TSHZ2: variants seen among roughly 807,000 people sequenced by gnomAD.
TSHZ2 encodes teashirt zinc finger homeobox 2.
Under a neutral mutation model 74.4 loss-of-function variants are expected in TSHZ2, and 21 were observed. That is an observed-to-expected ratio of 0.28 (90% CI 0.20 to 0.41). The LOEUF (loss-of-function observed/expected upper bound fraction) is 0.41. TSHZ2 is among the 10% of genes least tolerant of loss of function. The pLI, the probability that TSHZ2 is intolerant of heterozygous loss-of-function variation, is 1.00. For missense variants in TSHZ2, 1,244 were observed against 1,293.5 expected, an observed-to-expected ratio of 0.96 and a Z score of 0.59; for synonymous variants, 540 against 515.3, an observed-to-expected ratio of 1.05 and a Z score of -0.65.
At chr20:53,430,928 G>C (rs1983825663) in intron 2 of TSHZ2, among the ~76,000 whole-genome samples, 1 of 151,916 alleles carries the variant, frequency 6.6e-6, no homozygotes, top group African/African-American at 2.4e-5. Flanking sequence ...GCTAATTTTT[G>C]TATTTTTAGT....
chr20:53,171,777 A>G (rs1216598052), intron 1 of TSHZ2, among the ~76,000 whole-genome samples: 2 of 152,160 alleles, frequency 1.3e-5, no homozygotes, highest in Admixed American at 6.5e-5. Context: ...GTTGACTTTG[A>G]TATGGAAAGT....
At chr20:53,062,066 G>A (rs1317742142) in intron 1 of TSHZ2, among the ~76,000 whole-genome samples, 2 of 152,134 alleles carry the variant, frequency 1.3e-5, no homozygotes, top group Non-Finnish European at 2.9e-5. Context: ...TCTCTATGAA[G>A]AGATGTGTTT....
intron 2 of TSHZ2, among the ~76,000 whole-genome samples, chr20:53,389,948 G>C (rs1055342506): frequency 2.6e-5 from 4 of 152,194 alleles, no homozygotes; most frequent in Non-Finnish European, 5.9e-5. Context: ...TGCTGTTCTG[G>C]TGTCATGGAG....
intron 2 of TSHZ2, among the ~76,000 whole-genome samples, chr20:53,277,289 T>G (rs1157798449): frequency 1.3e-5 from 2 of 152,232 alleles, no homozygotes; most frequent in Non-Finnish European, 2.9e-5. Context: ...AGCTCTATAT[T>G]GTGTTTATCA....
rs143313014 is a variant in TSHZ2 at position 53,255,588 on chromosome 20, G to A, written c.2130G>A (p.Thr710=). ...SVLNNHLGKA[T]EPLRSPSCSS... is the part of the protein sequence containing the mutation. Reference sequence around the variant, plus strand: ...TGAACAATCACTTGGGCAAAGCCACGGAGCCCTTGCGCTCACCTTCCTGCT... The same window carrying A: ...TGAACAATCACTTGGGCAAAGCCACAGAGCCCTTGCGCTCACCTTCCTGCT... Residue 710 remains threonine, a synonymous_variant, in exon 2 of 3, where the codon ACG becomes ACA. Transcript: ENST00000371497. This position sits in a 1 kb window ranked among gnomAD's most constrained non-coding sequence, Gnocchi z 4.1. The A allele has an allele frequency of 1.3e-5, 21 of 1,582,566 alleles. No individual in the cohort carries two copies. The highest frequency in any genetic ancestry group is 6.8e-5 in the African/African-American group (5 of 73,962).
chr20:53,302,019 T>C (rs964380876), intron 2 of TSHZ2, among the ~76,000 whole-genome samples: 1 of 152,210 alleles, frequency 6.6e-6, no homozygotes, highest in African/African-American at 2.4e-5. Flanking sequence ...GTGGTTACCA[T>C]AGCGATTTCG....
At chr20:53,071,664 G>A (rs1354164268) in intron 1 of TSHZ2, among the ~76,000 whole-genome samples, 1 of 152,164 alleles carries the variant, frequency 6.6e-6, no homozygotes, top group Non-Finnish European at 1.5e-5. Context: ...AGTTCTTAAA[G>A]CTGTGGGTCG....
At chr20:53,029,928 A>C (rs1345278251) in intron 1 of TSHZ2, among the ~76,000 whole-genome samples, 1 of 152,110 alleles carries the variant, frequency 6.6e-6, no homozygotes, top group Non-Finnish European at 1.5e-5. Flanking sequence ...ATGACTGCCA[A>C]ATAAAATCTG....
At chr20:53,066,627 C>T (rs6022264) in intron 1 of TSHZ2, among the ~76,000 whole-genome samples, 17,305 of 152,110 alleles carry the variant, frequency 0.11, 1,158 homozygotes, top group African/African-American at 0.18. Context: ...CCCGCCTCAG[C>T]CTCCTGAGTA....
chr20:53,197,431 G>C (rs900095407), intron 1 of TSHZ2, among the ~76,000 whole-genome samples: 7 of 152,216 alleles, frequency 4.6e-5, no homozygotes, highest in Middle Eastern at 3.4e-3. Context: ...TAACCTTTGG[G>C]GTTTCCTGTT....
chr20:53,237,271 C>T (rs1273356444), intron 1 of TSHZ2, among the ~76,000 whole-genome samples: 1 of 152,134 alleles, frequency 6.6e-6, no homozygotes. Context: ...AAATCAATGC[C>T]TCTAATTGAC....
chr20:53,265,981 C>T lies in TSHZ2; in HGVS notation c.*8+9410C>T, dbSNP rs539199938. Among the ~76,000 whole-genome samples, 14 of 152,218 alleles carry T rather than the reference C, an allele frequency of 9.2e-5. 1 individual carries two copies. In the East Asian group the frequency reaches 1.7e-3, roughly 19 times the overall value. On this transcript the variant is annotated intron_variant, in intron 2 of 2. Transcript: ENST00000371497. ...ACTGAGACTATAACAGGGAAAAATG[C>T]GAGCTCCCTGCCCTTGGGAAGCTTA...
intron 2 of TSHZ2, among the ~76,000 whole-genome samples, chr20:53,461,121 C>A (rs1417661881): frequency 6.6e-6 from 1 of 152,120 alleles, no homozygotes; most frequent in Non-Finnish European, 1.5e-5. Flanking sequence ...TGGGCAATGG[C>A]GGGCGCCCCT....
At chr20:53,188,654 G>A (rs555504560) in intron 1 of TSHZ2, among the ~76,000 whole-genome samples, 35 of 152,248 alleles carry the variant, frequency 2.3e-4, no homozygotes, top group Non-Finnish European at 3.1e-4. Context: ...GTCCAAATAG[G>A]TATATAATTA....
At position 53,246,040 on chromosome 20, in the gene TSHZ2, C is replaced by CTTTTTTTTTTTTTTTTTTTTTT. The variant is rs57243805; in HGVS notation, c.41-7446_41-7445insTTTTTTTTTTTTTTTTTTTTTT. 3.9e-3 allele frequency among the ~76,000 whole-genome samples: 513 copies of CTTTTTTTTTTTTTTTTTTTTTT among 130,414 alleles called. 15 individuals carry two copies. Among genetic ancestry groups the CTTTTTTTTTTTTTTTTTTTTTT allele is most frequent in the African/African-American group, 6.0e-3 (192 of 32,216 alleles). 85.6% of individuals were successfully genotyped at this position (130,414 alleles called of 152,430 possible). ...TGTGCTTTTCTTTCTTTCTTTCTTT[C>CTTTTTTTTTTTTTTTTTTTTTT]TTTTTTTTTTTTTGTTTGAGACAGA... On this transcript the variant is annotated intron_variant, in intron 1 of 2. Transcript: ENST00000371497.
chr20:53,360,970 T>C (rs1981027205), intron 2 of TSHZ2, among the ~76,000 whole-genome samples: 1 of 152,188 alleles, frequency 6.6e-6, no homozygotes, highest in Non-Finnish European at 1.5e-5. Context: ...TTTCTCCCTC[T>C]GGGGGGCTAG....
At chr20:53,123,896 A>T (rs1342608646) in intron 1 of TSHZ2, among the ~76,000 whole-genome samples, 1 of 152,208 alleles carries the variant, frequency 6.6e-6, no homozygotes, top group Non-Finnish European at 1.5e-5. Flanking sequence ...CTTAATTTTT[A>T]AAAGGTGCTT....
intron 1 of TSHZ2, among the ~76,000 whole-genome samples, chr20:53,186,596 T>C (rs750678596): frequency 1.4e-4 from 22 of 152,230 alleles, no homozygotes; most frequent in Non-Finnish European, 2.5e-4. Flanking sequence ...TGTATTGTTT[T>C]CAGGGCAGCA....
chr20:53,225,001 A>T (rs1366829632), intron 1 of TSHZ2, among the ~76,000 whole-genome samples: 4 of 152,210 alleles, frequency 2.6e-5, no homozygotes. Context: ...CCAAGAGTAA[A>T]TATTTTTGTC....
Sources: gnomAD v4.1 joint callset for allele counts (sites outside exome capture counted in the v4.1 genomes callset) on GRCh38, gnomAD v4.1.1 for gene constraint, Gnocchi (gnomAD v3.1) non-coding constraint, MANE v1.5 for transcripts, NCBI Gene and HGNC (gene_info 2026-07-23, HGNC 2026-07-21) for gene names.